The following MMP15 variants were observed in gnomAD, a reference collection of about 807,000 sequenced individuals.
MMP15 encodes matrix metalloproteinase-15.
A neutral mutation model predicts 65.0 loss-of-function variants in MMP15; 36 were observed. The observed-to-expected ratio is 0.55, with a 90% CI of 0.42 to 0.73. The LOEUF (loss-of-function observed/expected upper bound fraction) is 0.73, where lower values mean the gene tolerates loss of function less well. Ranked by LOEUF, MMP15 falls within the 30% of genes least tolerant of loss-of-function variation. The pLI is 0.00. For missense variants in MMP15, 870 were observed against 987.8 expected (o/e 0.88, Z 1.60); for synonymous variants, 428 against 410.2 (o/e 1.04, Z -0.52).
chr16:58,038,253 G>GT lies in MMP15; in HGVS notation c.312-12dup. 6.2e-7 allele frequency: 1 copy of GT among 1,613,476 alleles called. No homozygotes were observed. Among genetic ancestry groups the GT allele is most frequent in the Non-Finnish European group, 8.5e-7 (1 of 1,179,830 alleles). ...GGAGGCTCCGTGCTCACCCCTCTGT[G>GT]TCCATGTCCCAGGTGGATGAAGCGG... On this transcript the variant is annotated splice_polypyrimidine_tract_variant and intron_variant, in intron 2 of 9. Coordinates refer to ENST00000219271, the MANE Select transcript of MMP15 (RefSeq NM_002428.4).
Position 58,040,269 on chromosome 16 carries a change from G to A in MMP15, c.748+87G>A, listed in dbSNP as rs1034865266. 17 of 1,363,656 alleles carry A rather than the reference G, an allele frequency of 1.2e-5. No homozygotes were observed. In the East Asian group the frequency reaches 1.7e-4, roughly 14 times the overall value. The allele number at this position is 1,363,656 out of a possible 1,614,324, so 84.5% of individuals were successfully genotyped here. A position where few individuals can be genotyped will look rare whatever the true frequency, so the allele number is the denominator to read the frequency against. ...CCTGCTGAGTGGGTTCAGCAGCCGC[G>A]GGGCTGGGAGGAGAGAGTTCCCCTG... On this transcript the variant is annotated intron_variant, in intron 4 of 9. Transcript: ENST00000219271.
chr16:58,027,557 T>G (rs1229054337), intron 1 of MMP15, among the ~76,000 whole-genome samples: 1 of 152,188 alleles, frequency 6.6e-6, no homozygotes, highest in African/African-American at 2.4e-5. Context: ...CTGCCCGGGC[T>G]GCGGGCCTGA....
At chr16:58,035,995 A>G (rs1476278030) in intron 1 of MMP15, among the ~76,000 whole-genome samples, 1 of 152,212 alleles carries the variant, frequency 6.6e-6, no homozygotes, top group East Asian at 1.9e-4. Context: ...GGTGGCAGGC[A>G]GATATGTGAG....
In MMP15 at chr16:58,043,380, C is replaced by G. The variant is rs773456397; in HGVS notation, c.1454+20C>G. Reference sequence around the variant, plus strand: ...GGACAGGTGAGCAGTGCGTCCCTCCCCTAAGGGGAGAAGGCCCCATCTAGG... The same window carrying G: ...GGACAGGTGAGCAGTGCGTCCCTCCGCTAAGGGGAGAAGGCCCCATCTAGG... On this transcript the variant is annotated intron_variant, in intron 8 of 9. Coordinates refer to ENST00000219271, the MANE Select transcript of MMP15 (RefSeq NM_002428.4). 2.5e-6 allele frequency: 4 copies of G among 1,598,990 alleles called. No homozygotes were observed. The Admixed American group carries it at 7.0e-5, about 28-fold the overall frequency.
intron 1 of MMP15, among the ~76,000 whole-genome samples, chr16:58,036,364 T>C (rs942632465): frequency 3.3e-5 from 5 of 152,242 alleles, no homozygotes; most frequent in African/African-American, 1.2e-4. Context: ...GGTTCCTTGT[T>C]TTGTAGGTGT....
rs2241774 is a variant in MMP15 at position 58,038,249 on chromosome 16, C to A, written c.312-17C>A. On this transcript the variant is annotated splice_polypyrimidine_tract_variant and intron_variant, in intron 2 of 9. Coordinates refer to ENST00000219271, the MANE Select transcript of MMP15 (RefSeq NM_002428.4). Reference sequence around the variant, plus strand: ...GAGGGGAGGCTCCGTGCTCACCCCTCTGTGTCCATGTCCCAGGTGGATGAA... The same window carrying A: ...GAGGGGAGGCTCCGTGCTCACCCCTATGTGTCCATGTCCCAGGTGGATGAA... 6.2e-7 allele frequency: 1 copy of A among 1,612,674 alleles called. No homozygotes were observed. The highest frequency in any genetic ancestry group is 1.7e-5 in the Admixed American group (1 of 59,976).
At position 58,045,246 on chromosome 16, in the gene MMP15, G is replaced by T; in HGVS notation, c.1810G>T (p.Gly604Trp). 6.2e-7 allele frequency: 1 copy of T among 1,606,506 alleles called. No homozygotes were observed. The highest frequency in any genetic ancestry group is 8.5e-7 in the Non-Finnish European group (1 of 1,177,656). Reference protein sequence around the residue: ...VGDGDGDFGAGVNKDGGSRVV... With the variant: ...VGDGDGDFGAWVNKDGGSRVV... ...GGATGGGGATGGGGACTTTGGGGCC[G>T]GGGTCAACAAGGACGGGGGCAGCCG... The change falls in exon 10 of 10, where the codon GGG (glycine) becomes TGG (tryptophan). Residue 604 changes from glycine to tryptophan, a missense_variant. Transcript: ENST00000219271.
chr16:58,042,417 C>T, intron 7 of MMP15, 48 bp downstream of exon 7: 1 of 1,600,486 alleles, frequency 6.2e-7, no homozygotes, highest in Non-Finnish European at 8.5e-7. Flanking sequence ...CTGCCATGAC[C>T]TCTGACCCTG....
Position 58,026,276 on chromosome 16 carries a change from G to A in MMP15, c.-75G>A. 5.7e-6 allele frequency: 7 copies of A among 1,238,728 alleles called. No individual in the cohort carries two copies. Among genetic ancestry groups the A allele is most frequent in the Non-Finnish European group, 7.1e-6 (7 of 989,308 alleles). 76.7% of individuals were successfully genotyped at this position (1,238,728 alleles called of 1,614,324 possible). Reference sequence around the variant, plus strand: ...GCGCGCCTGCCGGGCCAGGAGCCAGGGAGCGTCGCAAGTTTCCAAGGCGCG... The same window carrying A: ...GCGCGCCTGCCGGGCCAGGAGCCAGAGAGCGTCGCAAGTTTCCAAGGCGCG... On this transcript the variant is annotated 5_prime_UTR_variant, in exon 1 of 10. Transcript: ENST00000219271.
chr16:58,037,684 G>T, intron 2 of MMP15, 64 bp downstream of exon 2: 1 of 1,602,470 alleles, frequency 6.2e-7, no homozygotes, highest in Non-Finnish European at 8.5e-7. Context: ...GCTCTCAAGA[G>T]GGCTCAGCAT....
chr16:58,027,035 T>C (rs975964627), intron 1 of MMP15, among the ~76,000 whole-genome samples: 1 of 152,162 alleles, frequency 6.6e-6, no homozygotes, highest in Non-Finnish European at 1.5e-5. Flanking sequence ...CGGGCCAGGA[T>C]GGAGGCGGGG....
intron 1 of MMP15, among the ~76,000 whole-genome samples, chr16:58,028,329 A>G (rs1267217568): frequency 6.6e-6 from 1 of 152,186 alleles, no homozygotes; most frequent in East Asian, 1.9e-4. Flanking sequence ...TCCTGGGGAA[A>G]CACTTGGGTT....
Position 58,040,475 on chromosome 16 carries a change from G to A in MMP15, c.749-62G>A, listed in dbSNP as rs541503906. ...TGGCAGCCTCAGCCTGGAGGGTCCAGGGTGATTGGGTCCTGGGACTGGCCA... is the reference window on the plus strand; with the variant it reads ...TGGCAGCCTCAGCCTGGAGGGTCCAAGGTGATTGGGTCCTGGGACTGGCCA... On this transcript the variant is annotated intron_variant, in intron 4 of 9. Coordinates refer to ENST00000219271, the MANE Select transcript of MMP15 (RefSeq NM_002428.4). 7.0e-6 allele frequency: 11 copies of A among 1,577,504 alleles called. No homozygotes were observed. In the African/African-American group the frequency reaches 1.1e-4, roughly 15 times the overall value.
At chr16:58,033,897 C>T (rs964231518) in intron 1 of MMP15, among the ~76,000 whole-genome samples, 1 of 152,140 alleles carries the variant, frequency 6.6e-6, no homozygotes, top group South Asian at 2.1e-4. Context: ...AGCGAGACTC[C>T]GTCTCAAAAA....
chr16:58,032,120 C>T (rs1963897253), intron 1 of MMP15, among the ~76,000 whole-genome samples: 1 of 152,172 alleles, frequency 6.6e-6, no homozygotes, highest in South Asian at 2.1e-4. Flanking sequence ...CCGCCTCGGC[C>T]TCCCAAAGTG....
rs572010197 is a variant in MMP15, at chr16:58,026,045, C to T, written c.-306C>T. 47 of 273,752 alleles carry T rather than the reference C, an allele frequency of 1.7e-4. No individual in the cohort carries two copies. Among genetic ancestry groups the T allele is most frequent in the African/African-American group, 9.0e-4 (41 of 45,556 alleles). The allele number at this position is 273,752 out of a possible 1,614,324, so 17.0% of individuals were successfully genotyped here. A position where few individuals can be genotyped will look rare whatever the true frequency, so the allele number is the denominator to read the frequency against. On this transcript the variant is annotated 5_prime_UTR_variant, in exon 1 of 10. Transcript: ENST00000219271. ...GGAGCGCTGAGCCAGACAAAGGCTC[C>T]GGAGTTGCGCTTGCTCTCGGGAGCC...
rs1963813195 is a variant in MMP15, at chr16:58,026,312, C to T, written c.-39C>T. The T allele has an allele frequency of 8.0e-7, 1 of 1,252,430 alleles. No individual in the cohort carries two copies. Among genetic ancestry groups the T allele is most frequent in the Non-Finnish European group, 1.0e-6 (1 of 998,344 alleles). 77.6% of individuals were successfully genotyped at this position (1,252,430 alleles called of 1,614,324 possible). A position where few individuals can be genotyped will look rare whatever the true frequency, so the allele number is the denominator to read the frequency against. On this transcript the variant is annotated 5_prime_UTR_variant, in exon 1 of 10. Coordinates refer to ENST00000219271, the MANE Select transcript of MMP15 (RefSeq NM_002428.4). ...AGTTTCCAAGGCGCGTGCGAGGATC[C>T]GGCGTGCAGTGTTCCGAGCTGGGCT...
Position 58,041,769 on chromosome 16 carries a change from C to T in MMP15, c.1063C>T (p.Gln355Ter). ...GCCCCCAAAGCCGGGCCCCCCAGTCCAGCCCCGAGCCACAGAGCGGCCCGA... is the reference window on the plus strand; with the variant it reads ...GCCCCCAAAGCCGGGCCCCCCAGTCTAGCCCCGAGCCACAGAGCGGCCCGA... ...ERPPKPGPPVQPRATERPDQY... is the reference protein window; with the variant it reads ...ERPPKPGPPV The change falls in exon 6 of 10, where the codon CAG becomes TAG. Residue 355 changes from glutamine (Q) to a stop codon, truncating the protein, a stop_gained. Coordinates refer to ENST00000219271, the MANE Select transcript of MMP15 (RefSeq NM_002428.4). LOFTEE classifies it high-confidence loss of function. 2 of 1,607,994 alleles carry T rather than the reference C, an allele frequency of 1.2e-6. No homozygotes were observed. Among genetic ancestry groups the T allele is most frequent in the Non-Finnish European group, 1.7e-6 (2 of 1,177,358 alleles).
Position 58,026,452 on chromosome 16 carries a change from G to A in MMP15, c.102G>A (p.Leu34=). ...GGCCGCGACTGCTGCCGCTGCTCCT[G>A]GTGCTTCTGGGCTGCCTGGGCCTTG... ...AARPRLLPLL[L]VLLGCLGLGV... is the part of the protein sequence containing the mutation. The change falls in exon 1 of 10, where the codon CTG becomes CTA. Residue 34 remains leucine (L), a synonymous_variant. Coordinates refer to ENST00000219271, the MANE Select transcript of MMP15 (RefSeq NM_002428.4). 6.9e-7 allele frequency: 1 copy of A among 1,450,952 alleles called. No individual in the cohort carries two copies. 89.9% of individuals were successfully genotyped at this position (1,450,952 alleles called of 1,614,324 possible).
Sources: allele counts gnomAD v4.1 joint callset (sites outside exome capture counted in the v4.1 genomes callset), GRCh38; gene constraint gnomAD v4.1.1; transcripts MANE v1.5; gene names NCBI Gene and HGNC (gene_info 2026-07-23, HGNC 2026-07-21).